Variants in GALNT18 observed in about 807,000 individuals in gnomAD.
GALNT18 encodes polypeptide N-acetylgalactosaminyltransferase 18, also known as GalNAc-transferase 18.
A neutral mutation model predicts 69.5 loss-of-function variants in GALNT18; 44 were observed. The ratio of observed to expected loss-of-function variants is 0.63; its 90% CI spans 0.50 to 0.81. The LOEUF (loss-of-function observed/expected upper bound fraction) is 0.81. Ranked by LOEUF, GALNT18 falls within the 40% of genes least tolerant of loss-of-function variation. GALNT18 has a pLI of 0.00. For missense variants in GALNT18, 715 were observed against 810.0 expected (o/e 0.88, Z 1.42); for synonymous variants, 364 against 318.2 (o/e 1.14, Z -1.53).
At chr11:11,529,222 A>C (rs1857586799) in intron 1 of GALNT18, among the ~76,000 whole-genome samples, 1 of 152,206 alleles carries the variant, frequency 6.6e-6, no homozygotes, top group African/African-American at 2.4e-5. Flanking sequence ...ATATTTGGCC[A>C]AACATTATTC....
chr11:11,581,858 C>T (rs908799407), intron 1 of GALNT18, among the ~76,000 whole-genome samples: 3 of 151,940 alleles, frequency 2.0e-5, no homozygotes, highest in Non-Finnish European at 4.4e-5. Context: ...TCTTTGAGAC[C>T]CACAGGTGAC....
chr11:11,522,150 A>G (rs576254714), intron 1 of GALNT18, among the ~76,000 whole-genome samples: 13 of 152,318 alleles, frequency 8.5e-5, no homozygotes, highest in Admixed American at 1.3e-4. Context: ...TTCTATCCCA[A>G]GAATCCTCCC....
chr11:11,352,249 G>A (rs1349693887), intron 6 of GALNT18: 1 of 1,613,948 alleles, frequency 6.2e-7, no homozygotes, highest in Admixed American at 1.7e-5. Context: ...CTGACAAGGT[G>A]CTGATTTTCA....
chr11:11,412,711 T>C (rs1270964606), intron 3 of GALNT18, among the ~76,000 whole-genome samples: 1 of 152,240 alleles, frequency 6.6e-6, no homozygotes, highest in African/African-American at 2.4e-5. Context: ...ATGGACCTTG[T>C]AGCAGATGCT....
rs1326788142 is a variant in GALNT18, at chr11:11,337,659, A to G, written c.1278+3160T>C. Among the ~76,000 whole-genome samples the G allele has an allele frequency of 6.6e-6, 1 of 152,158 alleles. No homozygotes were observed. The highest frequency in any genetic ancestry group is 1.5e-5 in the Non-Finnish European group (1 of 68,036). On this transcript the variant is annotated intron_variant, in intron 7 of 10. Transcript: ENST00000227756. This position sits in a 1 kb window ranked among gnomAD's most constrained non-coding sequence, Gnocchi z 4.9. ...GGAGGGACCCCTGGAGCTGAGTCTC[A>G]AAGGATGGGGAAGATTTAGTAGGGG...
At position 11,279,510 on chromosome 11, in the gene GALNT18, A is replaced by C. The variant is rs367968225; in HGVS notation, c.1678-8220T>G. The stretch of plus-strand genomic sequence containing the variant: ...TATAAAACTAACCTGGAGATAACTC[A>C]AACGTCCATCAATAGTACAGCAGAC... On this transcript the variant is annotated intron_variant, in intron 10 of 10. Coordinates refer to ENST00000227756, the MANE Select transcript of GALNT18 (RefSeq NM_198516.3). Among the ~76,000 whole-genome samples the C allele has an allele frequency of 6.6e-5, 10 of 152,356 alleles. No homozygotes were observed. In the East Asian group the frequency reaches 1.9e-3, roughly 29 times the overall value.
rs562328750 is a variant in GALNT18, at chr11:11,435,800, G to C, written c.429-3013C>G. On this transcript the variant is annotated intron_variant, in intron 2 of 10. Coordinates refer to ENST00000227756, the MANE Select transcript of GALNT18 (RefSeq NM_198516.3). This position sits in a 1 kb window ranked among gnomAD's most constrained non-coding sequence, Gnocchi z 4.4. ...AGAGTCAGGTCCCGGTCCTCCCGCCGACCAGCAGGCTCCTGTTCTCCCATC... is the reference window on the plus strand; with the variant it reads ...AGAGTCAGGTCCCGGTCCTCCCGCCCACCAGCAGGCTCCTGTTCTCCCATC... 2.1e-4 allele frequency among the ~76,000 whole-genome samples: 32 copies of C among 152,186 alleles called. No homozygotes were observed. Among genetic ancestry groups the C allele is most frequent in the African/African-American group, 7.7e-4 (32 of 41,516 alleles).
At position 11,499,711 on chromosome 11, in the gene GALNT18, C is replaced by A. The variant is rs529258388; in HGVS notation, c.236-50775G>T. 9.3e-4 allele frequency among the ~76,000 whole-genome samples: 142 copies of A among 152,332 alleles called. 1 individual carries two copies. The highest frequency in any genetic ancestry group is 3.2e-3 in the African/African-American group (131 of 41,568). ...ACAGCATGGCCTGGCCTCTGTTTAC[C>A]CTGTGCTCTACATGGTGCCCTAGCT... On this transcript the variant is annotated intron_variant, in intron 1 of 10. Coordinates refer to ENST00000227756, the MANE Select transcript of GALNT18 (RefSeq NM_198516.3).
At chr11:11,390,713 C>G (rs1854166826) in intron 3 of GALNT18, among the ~76,000 whole-genome samples, 1 of 152,210 alleles carries the variant, frequency 6.6e-6, no homozygotes, top group African/African-American at 2.4e-5. Flanking sequence ...GCAATGTATT[C>G]TCAAAGGGAG....
At chr11:11,362,623 A>C (rs186535072) in intron 6 of GALNT18, among the ~76,000 whole-genome samples, 12 of 152,260 alleles carry the variant, frequency 7.9e-5, no homozygotes, top group Admixed American at 6.5e-4. Context: ...GCAAATTAAA[A>C]CTACCCTGAA....
At chr11:11,427,912 G>T (rs143876927) in intron 3 of GALNT18, among the ~76,000 whole-genome samples, 2 of 152,284 alleles carry the variant, frequency 1.3e-5, no homozygotes, top group African/African-American at 2.4e-5. Context: ...TGTCCCCATC[G>T]TGGCACATGA....
rs377342087 is a variant in GALNT18, at chr11:11,620,892, T to C, written c.235+467A>G. On this transcript the variant is annotated intron_variant, in intron 1 of 10. Transcript: ENST00000227756. This position sits in a 1 kb window ranked among gnomAD's most constrained non-coding sequence, Gnocchi z 6.9. The stretch of plus-strand genomic sequence containing the variant: ...CGCTTGTCCGGCAGCCTGCGGGTCT[T>C]AACTGCCAATAGTCAGGGCCGCCGC... 2.6e-5 allele frequency among the ~76,000 whole-genome samples: 4 copies of C among 152,302 alleles called. No homozygotes were observed. The East Asian group carries it at 7.7e-4, about 29-fold the overall frequency.
chr11:11,400,819 T>G (rs758803830), intron 3 of GALNT18, among the ~76,000 whole-genome samples: 3 of 151,904 alleles, frequency 2.0e-5, no homozygotes, highest in African/African-American at 7.3e-5. Context: ...TGGATGGTGA[T>G]GGAGTAGGTG....
At position 11,271,156 on chromosome 11, in the gene GALNT18, G is replaced by T. The variant is rs145266871; in HGVS notation, c.1812C>A (p.Ser604Arg). 19 of 1,611,816 alleles carry T rather than the reference G, an allele frequency of 1.2e-5. No homozygotes were observed. Among genetic ancestry groups the T allele is most frequent in the Non-Finnish European group, 1.6e-5 (19 of 1,178,278 alleles). ...QHWSITNVLR[S>R]LAS ...TGGCCCCGGTGGGTCAGGACGCGAGGCTCCTCAGGACGTTGGTGATGCTCC... is the reference window on the plus strand; with the variant it reads ...TGGCCCCGGTGGGTCAGGACGCGAGTCTCCTCAGGACGTTGGTGATGCTCC... Residue 604 changes from serine to arginine, a missense_variant, in exon 11 of 11, where the codon AGC becomes AGA. Ser to Arg is a moderately radical substitution (Grantham distance 110). Transcript: ENST00000227756.
rs903788809 is a variant in GALNT18 at position 11,538,503 on chromosome 11, C to T, written c.235+82856G>A. ...GTGGGAGAGACCAGCATACCACAAG[C>T]ACCCTGTGGCCTCAGCAACTAGTGT... On this transcript the variant is annotated intron_variant, in intron 1 of 10. Transcript: ENST00000227756. This position sits in a 1 kb window ranked among gnomAD's most constrained non-coding sequence, Gnocchi z 5.2. 4.6e-5 allele frequency among the ~76,000 whole-genome samples: 7 copies of T among 152,240 alleles called. No homozygotes were observed. Among genetic ancestry groups the T allele is most frequent in the African/African-American group, 1.7e-4 (7 of 41,466 alleles).
At position 11,555,129 on chromosome 11, in the gene GALNT18, C is replaced by T. The variant is rs547443432; in HGVS notation, c.235+66230G>A. Among the ~76,000 whole-genome samples, 45 of 152,300 alleles carry T rather than the reference C, an allele frequency of 3.0e-4. 1 individual carries two copies. In the South Asian group the frequency reaches 7.3e-3, roughly 25 times the overall value. On this transcript the variant is annotated intron_variant, in intron 1 of 10. Coordinates refer to ENST00000227756, the MANE Select transcript of GALNT18 (RefSeq NM_198516.3). The surrounding 1 kb of genome is among the most constrained non-coding windows in gnomAD (Gnocchi z 4.7). ...AAGAGGCTAAGAAATTCGGAGTCAT[C>T]GGGACTTGAACTAAGGACTCTGAAT...
chr11:11,338,033 T>C lies in GALNT18; in HGVS notation c.1278+2786A>G, dbSNP rs550056748. ...GGCTGGAGTGAGTGCAGTGGCACGA[T>C]CTCAGCTCACTGGGACCTCCGCCTC... On this transcript the variant is annotated intron_variant, in intron 7 of 10. Coordinates refer to ENST00000227756, the MANE Select transcript of GALNT18 (RefSeq NM_198516.3). The surrounding 1 kb of genome is among the most constrained non-coding windows in gnomAD (Gnocchi z 5.3). 1.3e-5 allele frequency among the ~76,000 whole-genome samples: 2 copies of C among 149,092 alleles called. No homozygotes were observed. Among genetic ancestry groups the C allele is most frequent in the African/African-American group, 5.0e-5 (2 of 40,214 alleles).
chr11:11,554,661 A>C (rs1304082787), intron 1 of GALNT18, among the ~76,000 whole-genome samples: 1 of 152,176 alleles, frequency 6.6e-6, no homozygotes, highest in African/African-American at 2.4e-5. Context: ...TCCATTCCCC[A>C]GAGCCTGGAA....
chr11:11,345,009 A>G (rs1850278717), intron 6 of GALNT18, among the ~76,000 whole-genome samples: 1 of 152,178 alleles, frequency 6.6e-6, no homozygotes, highest in Admixed American at 6.5e-5. Flanking sequence ...AATAATTATT[A>G]CGTTGCTGCT....
Sources: allele counts gnomAD v4.1 joint callset (sites outside exome capture counted in the v4.1 genomes callset), GRCh38; gene constraint gnomAD v4.1.1; non-coding constraint Gnocchi (gnomAD v3.1); transcripts MANE v1.5; gene names NCBI Gene and HGNC (gene_info 2026-07-23, HGNC 2026-07-21).